The following OR10G3 variants were observed in gnomAD, a reference collection of about 807,000 sequenced individuals.
OR10G3 encodes the protein olfactory receptor 10G3.
A neutral mutation model predicts 13.4 loss-of-function variants in OR10G3; 8 were observed. The ratio of observed to expected loss-of-function variants is 0.60; its 90% confidence interval spans 0.35 to 1.08. The LOEUF (loss-of-function observed/expected upper bound fraction) is 1.08, where lower values mean the gene tolerates loss of function less well. Ranked by LOEUF, OR10G3 falls within the 50% of genes least tolerant of loss-of-function variation. OR10G3 has a pLI of 0.02. For missense variants in OR10G3, 393 were observed against 386.6 expected (o/e 1.02, Z -0.14); for synonymous variants, 142 against 156.1 (o/e 0.91, Z 0.67).
chr14:21,574,321 A>G (rs1040317461), intron 1 of OR10G3, among the ~76,000 whole-genome samples: 3 of 150,658 alleles, frequency 2.0e-5, no homozygotes, highest in Non-Finnish European at 3.0e-5. Context: ...AAAAAAAAAA[A>G]AAAGAAATTG....
intron 1 of OR10G3, chr14:21,574,881 G>T (rs1594491131): frequency 6.6e-6 from 1 of 152,072 alleles, no homozygotes; most frequent in African/African-American, 2.4e-5. Context: ...AGCCCAGAAG[G>T]TCAAGGTGAA....
chr14:21,573,606 A>C (rs1893095583), intron 1 of OR10G3, among the ~76,000 whole-genome samples: 1 of 151,222 alleles, frequency 6.6e-6, no homozygotes, highest in Non-Finnish European at 1.5e-5. Flanking sequence ...CAGGAGGTGG[A>C]GGTTGTAGTG....
In OR10G3 at chr14:21,569,038, AT is replaced by A. The variant is rs894192651; in HGVS notation, c.*764del. On this transcript the variant is annotated 3_prime_UTR_variant, in exon 2 of 2. Coordinates refer to ENST00000641040, the MANE Select transcript of OR10G3 (RefSeq NM_001005465.2). The stretch of plus-strand genomic sequence containing the variant: ...GACGGACAGAACTAATGGGAAAAAA[AT>A]ATATATATATTTATATATATATAAA... The A allele has an allele frequency of 2.0e-5, 3 of 149,626 alleles. No individual in the cohort carries two copies. Among genetic ancestry groups the A allele is most frequent in the African/African-American group, 5.0e-5 (2 of 40,234 alleles). The allele number at this position is 149,626 out of a possible 1,614,324, so 9.3% of individuals were successfully genotyped here. A position where few individuals can be genotyped will look rare whatever the true frequency, so the allele number is the denominator to read the frequency against.
rs982843601 is a variant in OR10G3 at position 21,569,132 on chromosome 14, A to T, written c.*671T>A. On this transcript the variant is annotated 3_prime_UTR_variant, in exon 2 of 2. Transcript: ENST00000641040. ...ACAATAGGCCATCTGCAGGCTGAGG[A>T]GCAAGGAGAGCCAGTCCAAGTTCCA... The T allele has an allele frequency of 1.4e-4, 22 of 152,516 alleles. No individual in the cohort carries two copies. Among genetic ancestry groups the T allele is most frequent in the Non-Finnish European group, 4.4e-5 (3 of 68,422 alleles). 9.4% of individuals were successfully genotyped at this position (152,516 alleles called of 1,614,324 possible).
At chr14:21,579,324 A>G (rs1029382930) in intron 1 of OR10G3, among the ~76,000 whole-genome samples, 1 of 152,126 alleles carries the variant, frequency 6.6e-6, no homozygotes, top group Non-Finnish European at 1.5e-5. Context: ...GGCTCACTGC[A>G]ACCTCCATCT....
At chr14:21,575,797 C>T (rs895898622) in intron 1 of OR10G3, among the ~76,000 whole-genome samples, 4 of 152,138 alleles carry the variant, frequency 2.6e-5, no homozygotes, top group African/African-American at 4.8e-5. Flanking sequence ...CAGTAAATCC[C>T]GCCACCCCAT....
intron 1 of OR10G3, among the ~76,000 whole-genome samples, chr14:21,572,279 C>A (rs1338420377): frequency 5.6e-5 from 1 of 17,728 alleles, no homozygotes; most frequent in Non-Finnish European, 1.1e-4. Context: ...GAGTGAAACT[C>A]CATCTCAAAA....
intron 1 of OR10G3, among the ~76,000 whole-genome samples, chr14:21,573,288 AT>A (rs1287828660): frequency 2.0e-5 from 3 of 152,140 alleles, no homozygotes; most frequent in Non-Finnish European, 1.5e-5. Context: ...TCTAAAAAAA[AT>A]TGGACTTACA....
At chr14:21,573,289 T>C (rs73583087) in intron 1 of OR10G3, among the ~76,000 whole-genome samples, 3,237 of 151,852 alleles carry the variant, frequency 0.021, 61 homozygotes, top group African/African-American at 0.05. Context: ...CTAAAAAAAA[T>C]TGGACTTACA....
chr14:21,570,355 G>C lies in OR10G3; in HGVS notation c.390C>G (p.Pro130=). ...CAGTCATGAGCACAGGGTAGCGCAG[G>C]GGCTGACATATTGCCAGGTACCTGT... is the stretch of plus-strand genomic sequence containing the variant. ...AYDRYLAICQ[P]LRYPVLMTAK... The change falls in exon 2 of 2, where the codon CCC becomes CCG. Residue 130 remains proline (P), a synonymous_variant. Coordinates refer to ENST00000641040, the MANE Select transcript of OR10G3 (RefSeq NM_001005465.2). 1 of 1,614,178 alleles carries C rather than the reference G, an allele frequency of 6.2e-7. No individual in the cohort carries two copies. The highest frequency in any genetic ancestry group is 1.1e-5 in the South Asian group (1 of 91,084).
intron 1 of OR10G3, among the ~76,000 whole-genome samples, chr14:21,572,905 A>G (rs556621641): frequency 1.3e-5 from 2 of 152,300 alleles, no homozygotes; most frequent in South Asian, 4.1e-4. Context: ...TGCTTTGGCT[A>G]TTTGGTATCT....
intron 1 of OR10G3, among the ~76,000 whole-genome samples, chr14:21,576,057 G>A (rs904682243): frequency 1.3e-4 from 20 of 152,140 alleles, no homozygotes; most frequent in African/African-American, 4.8e-4. Flanking sequence ...TGGGCTGAAG[G>A]AGCTCAGGTG....
intron 1 of OR10G3, among the ~76,000 whole-genome samples, chr14:21,576,536 C>T (rs998288421): frequency 2.6e-5 from 4 of 152,176 alleles, no homozygotes; most frequent in Non-Finnish European, 5.9e-5. Context: ...AACGAAGATA[C>T]ATCAACAAAG....
chr14:21,570,669 G>A lies in OR10G3; in HGVS notation c.76C>T (p.Leu26Phe). 6.2e-7 allele frequency: 1 copy of A among 1,610,286 alleles called. No homozygotes were observed. Among genetic ancestry groups the A allele is most frequent in the Non-Finnish European group, 8.5e-7 (1 of 1,179,930 alleles). The change falls in exon 2 of 2, where the codon CTC becomes TTC. Residue 26 changes from leucine to phenylalanine, a missense_variant. Coordinates refer to ENST00000641040, the MANE Select transcript of OR10G3 (RefSeq NM_001005465.2). ...GIPYPLRLRT[L>F]FFVFFFLIYI... ...ATTAGAAAAAAGAACACAAAAAAGA[G>A]TGTCCTTAGCCTGAGTGGATACGGA...
In OR10G3 at chr14:21,580,046, T is replaced by C. The variant is rs907035237; in HGVS notation, c.-278A>G. 6.6e-5 allele frequency: 10 copies of C among 152,240 alleles called. No individual in the cohort carries two copies. The highest frequency in any genetic ancestry group is 2.2e-4 in the African/African-American group (9 of 41,468). The allele number at this position is 152,240 out of a possible 1,614,324, so 9.4% of individuals were successfully genotyped here. On this transcript the variant is annotated 5_prime_UTR_variant, in exon 1 of 2. Coordinates refer to ENST00000641040, the MANE Select transcript of OR10G3 (RefSeq NM_001005465.2). ...GAACTGGGGGAGGAGCTGTGGCTCT[T>C]ACTGAAGATAACTGTTAAGGTTGGT...
intron 1 of OR10G3, among the ~76,000 whole-genome samples, chr14:21,572,744 G>A (rs1483108334): frequency 6.6e-6 from 1 of 151,948 alleles, no homozygotes; most frequent in Non-Finnish European, 1.5e-5. Context: ...ACCTTAAATG[G>A]ATGGGTTGAT....
rs1412015917 is a variant in OR10G3 at position 21,570,144 on chromosome 14, A to C, written c.601T>G (p.Phe201Val). 11 of 1,614,064 alleles carry C rather than the reference A, an allele frequency of 6.8e-6. No individual in the cohort carries two copies. The highest frequency in any genetic ancestry group is 9.3e-6 in the Non-Finnish European group (11 of 1,180,040). The change falls in exon 2 of 2, where the codon TTT becomes GTT. Residue 201 changes from phenylalanine to valine, a missense_variant. Phe to Val is a conservative substitution (Grantham distance 50). Coordinates refer to ENST00000641040, the MANE Select transcript of OR10G3 (RefSeq NM_001005465.2). ...ADTTVNELVTFVDIGVVVASC... is the reference protein window; with the variant it reads ...ADTTVNELVTVVDIGVVVASC... ...GCAACCACCACCCCAATGTCTACAA[A>C]CGTCACCAGCTCGTTGACTGTTGTG... is the stretch of plus-strand genomic sequence containing the variant.
intron 1 of OR10G3, 68 bp from the exon 2 acceptor site, chr14:21,570,829 T>C (rs1893061412): frequency 3.4e-6 from 3 of 881,982 alleles, no homozygotes; most frequent in African/African-American, 1.7e-5. Context: ...TAGAAAGAGA[T>C]TGTAAAAACT....
intron 1 of OR10G3, among the ~76,000 whole-genome samples, chr14:21,571,210 C>T (rs940898122): frequency 2.6e-5 from 4 of 152,270 alleles, no homozygotes; most frequent in East Asian, 1.9e-4. Context: ...GTGCTCTGCC[C>T]GCTCAGAATC....
Sources: allele counts gnomAD v4.1 joint callset (sites outside exome capture counted in the v4.1 genomes callset), GRCh38; gene constraint gnomAD v4.1.1; transcripts MANE v1.5; gene names NCBI Gene and HGNC (gene_info 2026-07-23, HGNC 2026-07-21).